Variants in OGN observed in about 807,000 individuals in gnomAD.
OGN encodes osteoglycin.
OGN carries 19 observed loss-of-function variants against 30.8 expected under a neutral mutation model. The observed-to-expected ratio is 0.62, with a 90% CI of 0.43 to 0.90. OGN has a LOEUF of 0.90. Ranked by LOEUF, OGN falls within the 40% of genes least tolerant of loss-of-function variation. The pLI, the probability that OGN is intolerant of heterozygous loss-of-function variation, is 0.00. For synonymous variants in OGN, 126 were observed against 128.3 expected, an observed-to-expected ratio of 0.98 and a Z score of 0.12; for missense variants, 283 against 349.7, an observed-to-expected ratio of 0.81 and a Z score of 1.52.
In OGN at chr9:92,384,767, T is replaced by C. The variant is rs190336925; in HGVS notation, c.*853A>G. The C allele has an allele frequency of 1.3e-5, 2 of 152,282 alleles. No homozygotes were observed. Among genetic ancestry groups the C allele is most frequent in the Admixed American group, 1.3e-4 (2 of 15,292 alleles). 9.4% of individuals were successfully genotyped at this position (152,282 alleles called of 1,614,324 possible). ...TTGAACTAATTTATTGATGAGATTC[T>C]CATTTCTGTAGTATAAAAGGAAAAT... On this transcript the variant is annotated 3_prime_UTR_variant, in exon 7 of 7. Transcript: ENST00000375561.
intron 3 of OGN, 117 bp downstream of exon 3, chr9:92,400,975 A>C (rs1264101012): frequency 1.8e-6 from 1 of 564,092 alleles, no homozygotes; most frequent in Non-Finnish European, 3.1e-6. Context: ...ATTGGAAATA[A>C]AATTCCACTG....
intron 3 of OGN, among the ~76,000 whole-genome samples, chr9:92,393,866 G>A (rs1842785822): frequency 6.6e-6 from 1 of 151,366 alleles, no homozygotes; most frequent in African/African-American, 2.4e-5. Context: ...TCTCATTTTT[G>A]GCAGGAGTAC....
At chr9:92,393,785 GC>G (rs1319215231) in intron 3 of OGN, among the ~76,000 whole-genome samples, 2 of 150,714 alleles carry the variant, frequency 1.3e-5, no homozygotes, top group African/African-American at 4.9e-5. Context: ...AAAGTGTAGA[GC>G]TTTTTTTTTT....
At chr9:92,398,271 T>A (rs1374385152) in intron 3 of OGN, among the ~76,000 whole-genome samples, 1 of 152,364 alleles carries the variant, frequency 6.6e-6, no homozygotes, top group East Asian at 1.9e-4. Flanking sequence ...TTTATGTTTT[T>A]ATGTTTGTAT....
chr9:92,396,930 C>G (rs747193596), intron 3 of OGN, among the ~76,000 whole-genome samples: 17 of 152,038 alleles, frequency 1.1e-4, no homozygotes, highest in Non-Finnish European at 2.2e-4. Flanking sequence ...AATCTTGGCA[C>G]TTTTAGAGGC....
chr9:92,400,551 A>G (rs947464752), intron 3 of OGN, among the ~76,000 whole-genome samples: 1 of 152,228 alleles, frequency 6.6e-6, no homozygotes, highest in Non-Finnish European at 1.5e-5. Flanking sequence ...TTTTAGAAAT[A>G]TAGAAATTAA....
intron 5 of OGN, among the ~76,000 whole-genome samples, chr9:92,387,053 G>GAAAAAAAAA (rs903436031): frequency 2.0e-5 from 1 of 50,170 alleles, no homozygotes; most frequent in African/African-American, 8.0e-5. Context: ...GTCTCAAAAA[G>GAAAAAAAAA]AAAAAAAAAA....
At chr9:92,404,072 A>C (rs1334694136) in intron 1 of OGN, among the ~76,000 whole-genome samples, 3 of 152,200 alleles carry the variant, frequency 2.0e-5, no homozygotes, top group Non-Finnish European at 4.4e-5. Context: ...AACTGAAAGA[A>C]TAGTATTGCA....
At position 92,384,199 on chromosome 9, in the gene OGN, T is replaced by A. The variant is rs1330036941; in HGVS notation, c.*1421A>T. On this transcript the variant is annotated 3_prime_UTR_variant, in exon 7 of 7. Coordinates refer to ENST00000375561, the MANE Select transcript of OGN (RefSeq NM_014057.5). ...GAGCTAATAATCATTGTTAGAATAA[T>A]AATTGTGTTCTTAGATCTCAGATGC... is the stretch of plus-strand genomic sequence containing the variant. The A allele has an allele frequency of 1.3e-5, 2 of 152,316 alleles. No individual in the cohort carries two copies. The highest frequency in any genetic ancestry group is 3.9e-4 in the East Asian group (2 of 5,192). The allele number at this position is 152,316 out of a possible 1,614,324, so 9.4% of individuals were successfully genotyped here. A position where few individuals can be genotyped will look rare whatever the true frequency, so the allele number is the denominator to read the frequency against.
At chr9:92,394,845 G>A (rs1048261053) in intron 3 of OGN, among the ~76,000 whole-genome samples, 7 of 151,990 alleles carry the variant, frequency 4.6e-5, no homozygotes, top group Non-Finnish European at 8.8e-5. Flanking sequence ...GACCTCAGGT[G>A]ATCTGCCCGC....
Position 92,386,269 on chromosome 9 carries a change from A to G in OGN, c.658T>C (p.Leu220=). The G allele has an allele frequency of 1.2e-6, 2 of 1,613,514 alleles. No individual in the cohort carries two copies. Among genetic ancestry groups the G allele is most frequent in the Non-Finnish European group, 1.7e-6 (2 of 1,179,516 alleles). The stretch of plus-strand genomic sequence containing the variant: ...ACGGATTCCAGGGCATTATGGTCCA[A>G]GTAGAGGAAGGTGAGGTTATTCAGT... ...KKLNNLTFLY[L]DHNALESVPL... is the part of the protein sequence containing the mutation. Residue 220 remains leucine, a synonymous_variant, in exon 6 of 7, where the codon TTG becomes CTG. Transcript: ENST00000375561.
At chr9:92,397,255 A>G (rs918467155) in intron 3 of OGN, among the ~76,000 whole-genome samples, 1 of 152,102 alleles carries the variant, frequency 6.6e-6, no homozygotes, top group South Asian at 2.1e-4. Context: ...AGATGTCCCA[A>G]ACTAACCTTG....
In OGN at chr9:92,384,398, T is replaced by C. The variant is rs1842346239; in HGVS notation, c.*1222A>G. 1 of 152,190 alleles carries C rather than the reference T, an allele frequency of 6.6e-6. No individual in the cohort carries two copies. Among genetic ancestry groups the C allele is most frequent in the Non-Finnish European group, 1.5e-5 (1 of 68,004 alleles). 9.4% of individuals were successfully genotyped at this position (152,190 alleles called of 1,614,324 possible). A position where few individuals can be genotyped will look rare whatever the true frequency, so the allele number is the denominator to read the frequency against. On this transcript the variant is annotated 3_prime_UTR_variant, in exon 7 of 7. Coordinates refer to ENST00000375561, the MANE Select transcript of OGN (RefSeq NM_014057.5). Reference sequence around the variant, plus strand: ...TACATACTTTATGGTGGAAATAATGTTTGTACTTTTACTTACACAGTCCGG... The same window carrying C: ...TACATACTTTATGGTGGAAATAATGCTTGTACTTTTACTTACACAGTCCGG...
intron 2 of OGN, 117 bp downstream of exon 2, chr9:92,403,117 A>G: frequency 1.6e-6 from 1 of 627,318 alleles, no homozygotes; most frequent in South Asian, 2.5e-5. Context: ...ATTCGTTTGA[A>G]TCATTTAAAG....
At chr9:92,401,629 T>A (rs1843114862) in intron 2 of OGN, among the ~76,000 whole-genome samples, 1 of 152,200 alleles carries the variant, frequency 6.6e-6, no homozygotes, top group Non-Finnish European at 1.5e-5. Context: ...AAGTATAAAC[T>A]ACCAATTAAG....
chr9:92,395,376 T>G (rs867506650), intron 3 of OGN, among the ~76,000 whole-genome samples: 1 of 152,238 alleles, frequency 6.6e-6, no homozygotes, highest in African/African-American at 2.4e-5. Context: ...TCTTCTTTAT[T>G]ACTCAGTAGT....
intron 3 of OGN, among the ~76,000 whole-genome samples, chr9:92,395,154 C>G (rs1276642612): frequency 6.6e-6 from 1 of 152,136 alleles, no homozygotes; most frequent in Non-Finnish European, 1.5e-5. Flanking sequence ...AATTAACATA[C>G]CTGTCACTCC....
Position 92,386,159 on chromosome 9 carries a change from A to G in OGN, c.726+42T>C, listed in dbSNP as rs749157087. ...CCAATGAGTCACAAGATTTTGACTC[A>G]TAGGTAATTAGAGTCAGATATTGTG... On this transcript the variant is annotated intron_variant, in intron 6 of 6. Coordinates refer to ENST00000375561, the MANE Select transcript of OGN (RefSeq NM_014057.5). The G allele has an allele frequency of 2.0e-5, 28 of 1,426,020 alleles. 1 individual carries two copies. In the South Asian group the frequency reaches 2.9e-4, roughly 15 times the overall value. The allele number at this position is 1,426,020 out of a possible 1,614,324, so 88.3% of individuals were successfully genotyped here. A position where few individuals can be genotyped will look rare whatever the true frequency, so the allele number is the denominator to read the frequency against.
intron 4 of OGN, among the ~76,000 whole-genome samples, chr9:92,392,108 T>G (rs1842711009): frequency 6.6e-6 from 1 of 152,094 alleles, no homozygotes; most frequent in Non-Finnish European, 1.5e-5. Flanking sequence ...ACTGCAGAAA[T>G]GGAGGATTCT....
Sources: allele counts gnomAD v4.1 joint callset (sites outside exome capture counted in the v4.1 genomes callset), GRCh38; gene constraint gnomAD v4.1.1; transcripts MANE v1.5; gene names NCBI Gene and HGNC (gene_info 2026-07-23, HGNC 2026-07-21).